The following PGCKA1 variants were observed in gnomAD, a reference collection of about 807,000 sequenced individuals.
The protein encoded by PGCKA1 is PDCD10 and GCKIII kinases-associated protein 1.
the PGCKA1 span, among the ~76,000 whole-genome samples, chr4:37,471,076 G>A: frequency 2.0e-5 from 3 of 152,154 alleles, no homozygotes; most frequent in Non-Finnish European, 4.4e-5. Context: ...CGTACCTGAT[G>A]TTTCTAAAAG....
chr4:37,557,558 T>G, the PGCKA1 span, among the ~76,000 whole-genome samples: 2 of 152,162 alleles, frequency 1.3e-5, no homozygotes, highest in African/African-American at 4.8e-5. Flanking sequence ...GCGAGGCAGC[T>G]CTCTGGGATC....
At chr4:37,502,524 G>A in the PGCKA1 span, among the ~76,000 whole-genome samples, 1 of 152,162 alleles carries the variant, frequency 6.6e-6, no homozygotes, top group South Asian at 2.1e-4. Context: ...GCTGGTGGGG[G>A]TGGCAGGCCC....
the PGCKA1 span, among the ~76,000 whole-genome samples, chr4:37,484,145 T>C: frequency 6.6e-6 from 1 of 152,278 alleles, no homozygotes; most frequent in East Asian, 1.9e-4. Context: ...ATGATGGTAT[T>C]GGGAGTGTAT....
At chr4:37,510,653 C>A in the PGCKA1 span, among the ~76,000 whole-genome samples, 1 of 152,112 alleles carries the variant, frequency 6.6e-6, no homozygotes, top group African/African-American at 2.4e-5. Context: ...TGCACTGGGT[C>A]AGACCTGAAG....
At chr4:37,563,931 T>C in the PGCKA1 span, among the ~76,000 whole-genome samples, 1 of 152,088 alleles carries the variant, frequency 6.6e-6, no homozygotes, top group Non-Finnish European at 1.5e-5. Flanking sequence ...GGTCAAAACA[T>C]TGCCCATTTC....
chr4:37,521,595 A>G, the PGCKA1 span, among the ~76,000 whole-genome samples: 30,837 of 151,990 alleles, frequency 0.2, 3,817 homozygotes, highest in African/African-American at 0.35. Flanking sequence ...GACTCGTTTC[A>G]TGACCTAACG....
At chr4:37,485,528 C>T in the PGCKA1 span, among the ~76,000 whole-genome samples, 1 of 152,106 alleles carries the variant, frequency 6.6e-6, no homozygotes, top group Admixed American at 6.5e-5. Context: ...ACCTTGACTT[C>T]CCAGCCTCCA....
the PGCKA1 span, among the ~76,000 whole-genome samples, chr4:37,553,310 A>C: frequency 7.0e-6 from 1 of 142,666 alleles, no homozygotes; most frequent in African/African-American, 2.6e-5. Flanking sequence ...TCTTTGATGC[A>C]TCTTATTTCA....
At chr4:37,500,468 T>C in the PGCKA1 span, among the ~76,000 whole-genome samples, 1 of 152,230 alleles carries the variant, frequency 6.6e-6, no homozygotes, top group Non-Finnish European at 1.5e-5. Context: ...TTTTATTGTG[T>C]TATGGTCTGA....
the PGCKA1 span, among the ~76,000 whole-genome samples, chr4:37,473,284 G>A: frequency 6.6e-6 from 1 of 152,152 alleles, no homozygotes; most frequent in South Asian, 2.1e-4. Context: ...TTTTAGATAA[G>A]TTTGGGGAAA....
At chr4:37,511,310 A>G in the PGCKA1 span, among the ~76,000 whole-genome samples, 1 of 152,018 alleles carries the variant, frequency 6.6e-6, no homozygotes, top group African/African-American at 2.4e-5. Context: ...AATGTGCTGC[A>G]TTACACCTGA....
chr4:37,487,837 T>C, the PGCKA1 span, among the ~76,000 whole-genome samples: 1 of 152,196 alleles, frequency 6.6e-6, no homozygotes, highest in East Asian at 1.9e-4. Context: ...GTTTTGTTGA[T>C]GTTGCATGTT....
chr4:37,590,788 G>A, the PGCKA1 span: 2 of 1,614,114 alleles, frequency 1.2e-6, no homozygotes, highest in African/African-American at 2.7e-5. Flanking sequence ...ATTGAATGAG[G>A]ATGTGGAAAC....
At chr4:37,563,078 G>GTT in the PGCKA1 span, among the ~76,000 whole-genome samples, 2 of 151,864 alleles carry the variant, frequency 1.3e-5, no homozygotes, top group African/African-American at 2.4e-5. Context: ...CAAATTGTAG[G>GTT]TTTTTTCTTG....
chr4:37,503,556 T>C, the PGCKA1 span, among the ~76,000 whole-genome samples: 2 of 152,214 alleles, frequency 1.3e-5, no homozygotes, highest in Admixed American at 1.3e-4. Context: ...CTTATAGTGG[T>C]TGTACTAGTT....
the PGCKA1 span, among the ~76,000 whole-genome samples, chr4:37,553,575 C>T: frequency 2.6e-5 from 4 of 152,176 alleles, no homozygotes; most frequent in Non-Finnish European, 4.4e-5. Context: ...GTACCATTAT[C>T]TTACGTAACA....
At chr4:37,537,969 A>C in the PGCKA1 span, among the ~76,000 whole-genome samples, 1 of 152,102 alleles carries the variant, frequency 6.6e-6, no homozygotes, top group African/African-American at 2.4e-5. Context: ...GTGAATGCTC[A>C]AGTGTCAGAT....
chr4:37,470,842 GA>G, the PGCKA1 span, among the ~76,000 whole-genome samples: 3 of 152,032 alleles, frequency 2.0e-5, no homozygotes, highest in African/African-American at 7.2e-5. Context: ...TTGAGATGTA[GA>G]AAAGATCTTT....
At chr4:37,473,554 T>C in the PGCKA1 span, among the ~76,000 whole-genome samples, 1 of 152,246 alleles carries the variant, frequency 6.6e-6, no homozygotes, top group Non-Finnish European at 1.5e-5. Context: ...GATTTATAGT[T>C]GATCTCAATT....
Sources: allele counts gnomAD v4.1 joint callset (sites outside exome capture counted in the v4.1 genomes callset), GRCh38; gene constraint gnomAD v4.1.1; transcripts MANE v1.5; gene names NCBI Gene and HGNC (gene_info 2026-07-23, HGNC 2026-07-21).